Variants in ROBO2 observed in about 807,000 individuals in gnomAD.
ROBO2 encodes roundabout guidance receptor 2.
ROBO2 carries 53 observed loss-of-function variants against 160.8 expected under a neutral mutation model. The observed-to-expected ratio is 0.33, with a 90% CI of 0.26 to 0.41. ROBO2 has a LOEUF of 0.41. ROBO2 is among the 10% of genes least tolerant of loss of function. The probability of loss-of-function intolerance (pLI) is 1.00; values close to 1 mark genes in which losing one functional copy is unlikely to be tolerated. For missense variants in ROBO2, 1,577 were observed against 1,722.4 expected (o/e 0.92, Z 1.49); for synonymous variants, 664 against 611.7 (o/e 1.09, Z -1.26).
chr3:76,520,216 C>T (rs1433281020), intron 2 of ROBO2, among the ~76,000 whole-genome samples: 1 of 152,050 alleles, frequency 6.6e-6, no homozygotes, highest in Non-Finnish European at 1.5e-5. Flanking sequence ...TTTTGGAGGC[C>T]GAGGCAGGCG....
intron 2 of ROBO2, among the ~76,000 whole-genome samples, chr3:76,897,572 AG>A (rs1396071153): frequency 6.6e-6 from 1 of 152,170 alleles, no homozygotes; most frequent in Non-Finnish European, 1.5e-5. Context: ...GACAAGTACT[AG>A]GGAAAAAAAG....
At position 76,765,699 on chromosome 3, in the gene ROBO2, G is replaced by T. The variant is rs146165394; in HGVS notation, c.110-332315G>T. On this transcript the variant is annotated intron_variant, in intron 2 of 26. Coordinates refer to the ROBO2 transcript ENST00000487694. ...AGAGCCAGTATGTGCTGCCTGCCAGGTTAGTAAATCATTACGGATGTCCAG... is the reference window on the plus strand; with the variant it reads ...AGAGCCAGTATGTGCTGCCTGCCAGTTTAGTAAATCATTACGGATGTCCAG... Among the ~76,000 whole-genome samples the T allele has an allele frequency of 5.8e-3, 876 of 151,740 alleles. 13 individuals carry two copies. The highest frequency in any genetic ancestry group is 8.0e-3 in the Non-Finnish European group (545 of 67,722).
At chr3:76,955,902 AAAG>A (rs1361171245) in intron 2 of ROBO2, among the ~76,000 whole-genome samples, 8 of 151,698 alleles carry the variant, frequency 5.3e-5, no homozygotes, top group South Asian at 2.1e-4. Flanking sequence ...AAAAAAAAAA[AAAG>A]AAAGAAAGAA....
intron 2 of ROBO2, among the ~76,000 whole-genome samples, chr3:76,786,283 A>G (rs904781830): frequency 2.0e-5 from 3 of 151,312 alleles, no homozygotes; most frequent in Non-Finnish European, 3.0e-5. Context: ...AATGAGACCT[A>G]TATTAGTCCA....
At chr3:76,050,009 T>C (rs2067600278) in intron 2 of ROBO2, among the ~76,000 whole-genome samples, 1 of 152,192 alleles carries the variant, frequency 6.6e-6, no homozygotes, top group Non-Finnish European at 1.5e-5. Context: ...ATGCTTGCCA[T>C]TCCCCAGTGT....
At chr3:77,601,515 A>G (rs2094429534) in intron 19 of ROBO2, among the ~76,000 whole-genome samples, 1 of 152,230 alleles carries the variant, frequency 6.6e-6, no homozygotes, top group African/African-American at 2.4e-5. Context: ...ATTTTACTCT[A>G]GCTGTATTAC....
chr3:76,433,183 G>C (rs2076517633), intron 2 of ROBO2, among the ~76,000 whole-genome samples: 2 of 152,088 alleles, frequency 1.3e-5, no homozygotes. Flanking sequence ...ATACTTTGTA[G>C]GATAAGATTT....
chr3:76,830,493 T>A (rs1211027123), intron 2 of ROBO2, among the ~76,000 whole-genome samples: 2 of 152,130 alleles, frequency 1.3e-5, no homozygotes, highest in Admixed American at 6.5e-5. Context: ...TCAAAAAAAA[T>A]TTGACTTTTA....
intron 2 of ROBO2, among the ~76,000 whole-genome samples, chr3:77,221,876 CAG>C (rs1476659748): frequency 5.3e-5 from 7 of 130,916 alleles, no homozygotes; most frequent in South Asian, 2.4e-4. Flanking sequence ...TTTTTTGAGA[CAG>C]AGTCTTGCTC....
intron 5 of ROBO2, among the ~76,000 whole-genome samples, chr3:77,522,358 C>T (rs900472515): frequency 4.0e-5 from 6 of 151,092 alleles, no homozygotes; most frequent in East Asian, 1.9e-4. Flanking sequence ...TAATATATTT[C>T]GGCTCTCTAA....
At chr3:77,424,472 G>A (rs4459878) in intron 2 of ROBO2, among the ~76,000 whole-genome samples, 11,972 of 152,124 alleles carry the variant, frequency 0.079, 554 homozygotes, top group African/African-American at 0.11. Flanking sequence ...GTGAAATTCT[G>A]GAGACTATTC....
At chr3:77,117,484 C>T (rs113472480) in intron 2 of ROBO2, among the ~76,000 whole-genome samples, 3,094 of 152,152 alleles carry the variant, frequency 0.02, 53 homozygotes, top group Middle Eastern at 0.056. Flanking sequence ...AGAATAACAA[C>T]CTTATTGCAA....
At chr3:77,615,075 A>T (rs1352060451) in intron 21 of ROBO2, among the ~76,000 whole-genome samples, 1 of 152,164 alleles carries the variant, frequency 6.6e-6, no homozygotes, top group Non-Finnish European at 1.5e-5. Context: ...ATCTTGCATC[A>T]CTGATTATTT....
chr3:76,769,447 A>C (rs910400998), intron 2 of ROBO2, among the ~76,000 whole-genome samples: 8 of 151,300 alleles, frequency 5.3e-5, no homozygotes, highest in Non-Finnish European at 1.5e-5. Context: ...CGGCTGTACA[A>C]CTCAGGGCTC....
intron 2 of ROBO2, among the ~76,000 whole-genome samples, chr3:77,152,547 A>T (rs2077635753): frequency 6.6e-6 from 1 of 152,194 alleles, no homozygotes; most frequent in Non-Finnish European, 1.5e-5. Flanking sequence ...AAAGTGCCCC[A>T]TGAACAGAGA....
At chr3:76,810,298 TCAG>T (rs2065060894) in intron 2 of ROBO2, among the ~76,000 whole-genome samples, 1 of 152,140 alleles carries the variant, frequency 6.6e-6, no homozygotes, top group Non-Finnish European at 1.5e-5. Context: ...ACACAATCAG[TCAG>T]AGGCACACCC....
chr3:76,974,102 C>G (rs1007346032), intron 2 of ROBO2, among the ~76,000 whole-genome samples: 3 of 152,104 alleles, frequency 2.0e-5, no homozygotes, highest in Non-Finnish European at 4.4e-5. Flanking sequence ...TTAGTCTTTT[C>G]TCATTCATAT....
rs1345247109 is a variant in ROBO2 at position 75,928,876 on chromosome 3, G to A, written c.-13-8605G>A. On this transcript the variant is annotated intron_variant, in intron 1 of 26. Coordinates refer to the ROBO2 transcript ENST00000487694. Reference sequence around the variant, plus strand: ...CTGGATAAGACGTGTGTGTGTGTGTGTGTGTGTGTGTGTGTGTGTGTGTGT... The same window carrying A: ...CTGGATAAGACGTGTGTGTGTGTGTATGTGTGTGTGTGTGTGTGTGTGTGT... Among the ~76,000 whole-genome samples, 88 of 146,368 alleles carry A rather than the reference G, an allele frequency of 6.0e-4. 1 individual carries two copies. Among genetic ancestry groups the A allele is most frequent in the African/African-American group, 1.9e-3 (73 of 38,488 alleles).
At chr3:77,214,801 C>A (rs901105722) in intron 2 of ROBO2, among the ~76,000 whole-genome samples, 1 of 152,112 alleles carries the variant, frequency 6.6e-6, no homozygotes, top group African/African-American at 2.4e-5. Flanking sequence ...TCAGCATTTG[C>A]TCGTCTGTAA....
Sources: allele counts gnomAD v4.1 joint callset (sites outside exome capture counted in the v4.1 genomes callset), GRCh38; gene constraint gnomAD v4.1.1; transcripts MANE v1.5; gene names NCBI Gene and HGNC (gene_info 2026-07-23, HGNC 2026-07-21).